The following ZSWIM5 variants were observed in gnomAD, a reference collection of about 807,000 sequenced individuals.
The protein encoded by ZSWIM5 is zinc finger SWIM-type containing 5.
Under a neutral mutation model 119.6 loss-of-function variants are expected in ZSWIM5, and 55 were observed. That is an observed-to-expected ratio of 0.46 (90% CI 0.37 to 0.58). The LOEUF (loss-of-function observed/expected upper bound fraction) is 0.58. Ranked by LOEUF, ZSWIM5 falls within the 20% of genes least tolerant of loss-of-function variation. The pLI is 0.00. For missense variants in ZSWIM5, 1,193 were observed against 1,512.8 expected (o/e 0.79, Z 3.51); for synonymous variants, 537 against 606.9 (o/e 0.88, Z 1.69).
At chr1:45,141,420 A>C (rs535447267) in intron 1 of ZSWIM5, among the ~76,000 whole-genome samples, 111 of 152,306 alleles carry the variant, frequency 7.3e-4, no homozygotes, top group African/African-American at 2.6e-3. Flanking sequence ...GCAAGCCCAT[A>C]AACTGGTTTA....
rs1261094190 is a variant in ZSWIM5, at chr1:45,040,401, G to C, written c.1747C>G (p.Gln583Glu). The C allele has an allele frequency of 6.2e-7, 1 of 1,610,186 alleles. No individual in the cohort carries two copies. The highest frequency in any genetic ancestry group is 8.5e-7 in the Non-Finnish European group (1 of 1,178,336). ...QQRQLEIYKH[Q>E]KKELLQRGTT... is the part of the protein sequence containing the mutation. ...CTCCTAATTACTATACCTTTCTTCT[G>C]ATGCTTGTAGATTTCCAGTTGCCGC... Residue 583 changes from glutamine (Q) to glutamate (E), a missense_variant, in exon 7 of 14, where the codon CAG becomes GAG. Physicochemically the swap from Gln to Glu is conservative, Grantham distance 29 (BLOSUM62 2). Coordinates refer to ENST00000359600, the MANE Select transcript of ZSWIM5 (RefSeq NM_020883.2).
At chr1:45,096,080 C>A (rs1042093656) in intron 1 of ZSWIM5, among the ~76,000 whole-genome samples, 2 of 152,114 alleles carry the variant, frequency 1.3e-5, no homozygotes, top group African/African-American at 4.8e-5. Flanking sequence ...AATACAAAAA[C>A]AAAATACATA....
intron 1 of ZSWIM5, among the ~76,000 whole-genome samples, chr1:45,127,441 A>G (rs1000363550): frequency 2.7e-5 from 4 of 149,668 alleles, no homozygotes; most frequent in African/African-American, 9.8e-5. Context: ...TTCTGCTCTC[A>G]CTTTTTTTTT....
chr1:45,131,724 CAAAAAAAA>C (rs11336099), intron 1 of ZSWIM5, among the ~76,000 whole-genome samples: 8 of 74,226 alleles, frequency 1.1e-4, no homozygotes, highest in African/African-American at 2.4e-4. Flanking sequence ...GACTCTGTCT[CAAAAAAAA>C]AAAAAAAAAA....
At position 45,206,366 on chromosome 1, in the gene ZSWIM5, G is replaced by C; in HGVS notation, c.-16C>G. The stretch of plus-strand genomic sequence containing the variant: ...CGTCCGCCATTGCTGGGGACTGACT[G>C]ACTGACTGAGGCGGCGGCGGCTGCT... On this transcript the variant is annotated 5_prime_UTR_variant, in exon 1 of 14. Transcript: ENST00000359600. 7.2e-7 allele frequency: 1 copy of C among 1,385,214 alleles called. No individual in the cohort carries two copies. The highest frequency in any genetic ancestry group is 9.3e-7 in the Non-Finnish European group (1 of 1,070,920). The allele number at this position is 1,385,214 out of a possible 1,614,324, so 85.8% of individuals were successfully genotyped here. A position where few individuals can be genotyped will look rare whatever the true frequency, so the allele number is the denominator to read the frequency against.
At position 45,043,207 on chromosome 1, in the gene ZSWIM5, G is replaced by C. The variant is rs767348745; in HGVS notation, c.1609+12C>G. On this transcript the variant is annotated intron_variant, in intron 6 of 13. Coordinates refer to ENST00000359600, the MANE Select transcript of ZSWIM5 (RefSeq NM_020883.2). ...GGTGGCTCTAAAGTTCTTAGAGGAG[G>C]GCTAGACTTACCAAGCCACAGTGGC... 1.5e-5 allele frequency: 24 copies of C among 1,612,520 alleles called. No homozygotes were observed. The Admixed American group carries it at 3.3e-4, about 22-fold the overall frequency.
chr1:45,143,700 C>A (rs1645744017), intron 1 of ZSWIM5, among the ~76,000 whole-genome samples: 1 of 151,856 alleles, frequency 6.6e-6, no homozygotes, highest in Admixed American at 6.6e-5. Context: ...TAAAAATATA[C>A]AGATTGGAAA....
chr1:45,062,412 T>C (rs1477159359), intron 2 of ZSWIM5, among the ~76,000 whole-genome samples: 1 of 152,224 alleles, frequency 6.6e-6, no homozygotes, highest in African/African-American at 2.4e-5. Flanking sequence ...TATTCACTCA[T>C]TCCACAAATA....
At chr1:45,151,988 T>G (rs183807142) in intron 1 of ZSWIM5, among the ~76,000 whole-genome samples, 35 of 152,316 alleles carry the variant, frequency 2.3e-4, no homozygotes, top group Admixed American at 1.8e-3. Context: ...TATGCATTGG[T>G]GTATGATCCC....
chr1:45,096,434 T>TTGTGTGTGTG (rs112308838), intron 1 of ZSWIM5, among the ~76,000 whole-genome samples: 9,267 of 144,316 alleles, frequency 0.064, 355 homozygotes, highest in Non-Finnish European at 0.092. Flanking sequence ...AGATAACTGT[T>TTGTGTGTGTG]TGTGTGTGTG....
chr1:45,204,450 C>T (rs1019924088), intron 1 of ZSWIM5, among the ~76,000 whole-genome samples: 1 of 152,126 alleles, frequency 6.6e-6, no homozygotes, highest in Non-Finnish European at 1.5e-5. Flanking sequence ...ACAAAACTTG[C>T]TCAAGCCACT....
At chr1:45,151,816 T>C (rs1428367983) in intron 1 of ZSWIM5, among the ~76,000 whole-genome samples, 1 of 152,226 alleles carries the variant, frequency 6.6e-6, no homozygotes, top group Non-Finnish European at 1.5e-5. Context: ...TTAAAGCATA[T>C]AATTGTTAAG....
At chr1:45,144,998 T>G (rs1416078807) in intron 1 of ZSWIM5, among the ~76,000 whole-genome samples, 1 of 152,050 alleles carries the variant, frequency 6.6e-6, no homozygotes, top group African/African-American at 2.4e-5. Context: ...AATTTAAAAA[T>G]AGGCAAAAGA....
chr1:45,113,377 T>C (rs1259802344), intron 1 of ZSWIM5, among the ~76,000 whole-genome samples: 2 of 152,192 alleles, frequency 1.3e-5, no homozygotes, highest in Non-Finnish European at 2.9e-5. Context: ...ATTTTATTTA[T>C]TTATTTTTTA....
intron 1 of ZSWIM5, among the ~76,000 whole-genome samples, chr1:45,094,009 TA>T (rs1645383193): frequency 6.8e-6 from 1 of 146,110 alleles, no homozygotes; most frequent in African/African-American, 2.5e-5. Context: ...TATGCCTGGC[TA>T]ATTTTTATTT....
At chr1:45,161,016 G>A (rs1013290989) in intron 1 of ZSWIM5, among the ~76,000 whole-genome samples, 8 of 111,840 alleles carry the variant, frequency 7.2e-5, no homozygotes, top group African/African-American at 1.8e-4. Context: ...TAGTAGAGAC[G>A]GTGTTTCACC....
chr1:45,202,689 A>G (rs889930467), intron 1 of ZSWIM5, among the ~76,000 whole-genome samples: 7 of 152,110 alleles, frequency 4.6e-5, no homozygotes, highest in Non-Finnish European at 1.0e-4. Context: ...CTAAATATCC[A>G]AGTAAATATA....
At chr1:45,058,399 A>G (rs1645134719) in intron 4 of ZSWIM5, among the ~76,000 whole-genome samples, 1 of 152,252 alleles carries the variant, frequency 6.6e-6, no homozygotes, top group Non-Finnish European at 1.5e-5. Flanking sequence ...CATCTGGAAC[A>G]GAATGCTTGA....
chr1:45,172,382 C>T (rs149796746), intron 1 of ZSWIM5, among the ~76,000 whole-genome samples: 97 of 152,042 alleles, frequency 6.4e-4, no homozygotes, highest in African/African-American at 2.2e-3. Context: ...AACTGAAGAA[C>T]GCAGAACCAA....
Sources: allele counts gnomAD v4.1 joint callset (sites outside exome capture counted in the v4.1 genomes callset), GRCh38; gene constraint gnomAD v4.1.1; transcripts MANE v1.5; gene names NCBI Gene and HGNC (gene_info 2026-07-23, HGNC 2026-07-21).